The following DOCK4 variants were observed in gnomAD, a reference collection of about 807,000 sequenced individuals.
DOCK4 encodes dedicator of cytokinesis 4, also known as dedicator of cytokinesis protein 4.
Under a neutral mutation model 268.1 loss-of-function variants are expected in DOCK4, and 97 were observed. The observed-to-expected ratio is 0.36, with a 90% CI of 0.31 to 0.43. The LOEUF (loss-of-function observed/expected upper bound fraction) is 0.43. Ranked by LOEUF, DOCK4 falls within the 20% of genes least tolerant of loss-of-function variation. DOCK4 has a pLI of 1.00. For synonymous variants in DOCK4, 954 were observed against 887.2 expected, an observed-to-expected ratio of 1.08 and a Z score of -1.34; for missense variants, 2,145 against 2,455.7, an observed-to-expected ratio of 0.87 and a Z score of 2.67.
intron 1 of DOCK4, among the ~76,000 whole-genome samples, chr7:112,075,009 T>C (rs570199296): frequency 6.6e-6 from 1 of 152,348 alleles, no homozygotes; most frequent in South Asian, 2.1e-4. Context: ...AAGTATCACC[T>C]TTCTACCTAG....
intron 13 of DOCK4, among the ~76,000 whole-genome samples, chr7:111,910,655 G>A (rs902370880): frequency 2.6e-5 from 4 of 152,042 alleles, no homozygotes; most frequent in African/African-American, 7.3e-5. Context: ...TAGCTTTGTC[G>A]CTCAAATGAT....
intron 44 of DOCK4, among the ~76,000 whole-genome samples, chr7:111,744,089 G>A (rs1796109857): frequency 6.6e-6 from 1 of 152,144 alleles, no homozygotes; most frequent in Non-Finnish European, 1.5e-5. Context: ...GACCTTTAAT[G>A]GTCTGTCAAA....
At chr7:111,757,926 G>A (rs747932048) in intron 41 of DOCK4, among the ~76,000 whole-genome samples, 1 of 152,078 alleles carries the variant, frequency 6.6e-6, no homozygotes, top group African/African-American at 2.4e-5. Flanking sequence ...GCAAAGAAAG[G>A]GGCAGACTCT....
intron 42 of DOCK4, among the ~76,000 whole-genome samples, chr7:111,750,984 G>GC (rs1348354428): frequency 2.6e-5 from 4 of 152,024 alleles, no homozygotes; most frequent in African/African-American, 9.7e-5. Flanking sequence ...TTAGTGAGAG[G>GC]ACATTTCTCT....
rs539535294 is a variant in DOCK4, at chr7:112,101,874, G to A, written c.38-97743C>T. 2.8e-5 allele frequency among the ~76,000 whole-genome samples: 4 copies of A among 145,330 alleles called. No individual in the cohort carries two copies. In the South Asian group the frequency reaches 8.7e-4, roughly 31 times the overall value. On this transcript the variant is annotated intron_variant, in intron 1 of 52. Transcript: ENST00000428084. ...TTTTTTTTTTTGAGACAAGAGTCTT[G>A]CTCTGTTGCCCAGGCTGGAGTGCAG...
chr7:111,830,132 C>A (rs1802705270), intron 26 of DOCK4, among the ~76,000 whole-genome samples: 1 of 152,148 alleles, frequency 6.6e-6, no homozygotes, highest in Admixed American at 6.5e-5. Context: ...TTATTAATAT[C>A]TTTTATAAGG....
At chr7:111,839,833 T>A (rs970630182) in intron 25 of DOCK4, among the ~76,000 whole-genome samples, 3 of 152,188 alleles carry the variant, frequency 2.0e-5, no homozygotes, top group African/African-American at 7.2e-5. Flanking sequence ...TTTTTTAAAT[T>A]TTTTATTTCC....
At chr7:111,839,880 T>G in intron 25 of DOCK4, among the ~76,000 whole-genome samples, 1 of 152,224 alleles carries the variant, frequency 6.6e-6, no homozygotes, top group East Asian at 1.9e-4. Flanking sequence ...TTTGGTTACA[T>G]GAGTAAGTCT....
chr7:111,762,380 C>T (rs1585906739), intron 39 of DOCK4, among the ~76,000 whole-genome samples: 1 of 152,294 alleles, frequency 6.6e-6, no homozygotes, highest in Non-Finnish European at 1.5e-5. Flanking sequence ...TCCTATTTTT[C>T]TCTTCCTCCA....
In DOCK4 at chr7:111,940,194, C is replaced by T. The variant is rs1028705214; in HGVS notation, c.893G>A (p.Arg298Gln). ...AAGAACTGCACAGCCAAAGGGTCGT[C>T]GGTACTGGACACTACAGGCATTCTT... ...EKKNACSVQY[R>Q]RPFGCAVLSI... Residue 298 changes from arginine to glutamine, a missense_variant, in exon 11 of 53, where the codon CGA becomes CAA. Physicochemically the swap from Arg to Gln is conservative, Grantham distance 43. Around this residue, in one of 2 missense-constraint regions of DOCK4, gnomAD observed 1,598 missense variants for 1,986.7 expected, o/e 0.80. Transcript: ENST00000428084. 4 of 1,613,872 alleles carry T rather than the reference C, an allele frequency of 2.5e-6. No homozygotes were observed. The highest frequency in any genetic ancestry group is 1.1e-5 in the South Asian group (1 of 91,094).
At chr7:112,179,493 C>A (rs1022397934) in intron 1 of DOCK4, among the ~76,000 whole-genome samples, 2 of 149,752 alleles carry the variant, frequency 1.3e-5, no homozygotes, top group African/African-American at 4.9e-5. Context: ...GGAGTTTCAG[C>A]AAAGCACCCA....
At chr7:111,752,429 C>T (rs1027633245) in intron 42 of DOCK4, among the ~76,000 whole-genome samples, 1 of 151,900 alleles carries the variant, frequency 6.6e-6, no homozygotes, top group Admixed American at 6.6e-5. Context: ...TCTGGGTATA[C>T]AGTATTTAGA....
intron 52 of DOCK4, among the ~76,000 whole-genome samples, chr7:111,729,796 A>G (rs553641316): frequency 5.5e-4 from 84 of 152,274 alleles, no homozygotes; most frequent in African/African-American, 1.9e-3. Flanking sequence ...TCTGCACCTG[A>G]TTTCTCCAGC....
chr7:112,016,377 A>G (rs943087096), intron 1 of DOCK4, among the ~76,000 whole-genome samples: 1 of 152,228 alleles, frequency 6.6e-6, no homozygotes, highest in Admixed American at 6.5e-5. Flanking sequence ...GTATCTCATC[A>G]GGAGGTACAT....
chr7:111,944,246 C>G (rs1335804535), intron 10 of DOCK4, among the ~76,000 whole-genome samples: 1 of 152,150 alleles, frequency 6.6e-6, no homozygotes, highest in Admixed American at 6.5e-5. Context: ...TTGAGGAAAA[C>G]TAGGGTCAAC....
intron 1 of DOCK4, among the ~76,000 whole-genome samples, chr7:112,079,456 A>G (rs1284118472): frequency 3.9e-5 from 6 of 152,202 alleles, no homozygotes; most frequent in Non-Finnish European, 7.3e-5. Context: ...AGGCCATTAA[A>G]AATCCTGCTG....
intron 21 of DOCK4, among the ~76,000 whole-genome samples, chr7:111,869,225 T>C (rs1586221542): frequency 6.6e-6 from 1 of 152,178 alleles, no homozygotes; most frequent in Non-Finnish European, 1.5e-5. Flanking sequence ...CGATGGTCTC[T>C]GTCAGGTTGG....
Position 111,783,226 on chromosome 7 carries a change from T to C in DOCK4, c.3525-302A>G, listed in dbSNP as rs562472895. Reference sequence around the variant, plus strand: ...CTCAATGGACATGGGCTCAGGAAGTTAGAGGAGTGAAAATGTGTTATTGTA... The same window carrying C: ...CTCAATGGACATGGGCTCAGGAAGTCAGAGGAGTGAAAATGTGTTATTGTA... On this transcript the variant is annotated intron_variant, in intron 34 of 52. Coordinates refer to ENST00000428084, the MANE Select transcript of DOCK4 (RefSeq NM_001363540.2). 4.6e-5 allele frequency among the ~76,000 whole-genome samples: 7 copies of C among 152,242 alleles called. No homozygotes were observed. In the East Asian group the frequency reaches 1.4e-3, roughly 29 times the overall value.
At chr7:111,964,414 GC>G (rs1554396924) in intron 8 of DOCK4, among the ~76,000 whole-genome samples, 4 of 90,336 alleles carry the variant, frequency 4.4e-5, no homozygotes, top group Non-Finnish European at 8.2e-5. Context: ...GAATGCAGAA[GC>G]CTCAGGAGCC....
Sources: allele counts gnomAD v4.1 joint callset (sites outside exome capture counted in the v4.1 genomes callset), GRCh38; gene constraint gnomAD v4.1.1; regional missense constraint gnomAD v4.1.1; transcripts MANE v1.5; gene names NCBI Gene and HGNC (gene_info 2026-07-23, HGNC 2026-07-21).